TMCO1: variants seen among roughly 807,000 people sequenced by gnomAD.
TMCO1 encodes transmembrane and coiled-coil domains 1, also known as calcium load-activated calcium channel.
In TMCO1, 29 loss-of-function variants were observed where a neutral mutation model predicts 29.3. That is an observed-to-expected ratio of 0.99 (90% confidence interval 0.74 to 1.35). The LOEUF is 1.35. TMCO1 is among the 40% of genes most tolerant of loss of function. TMCO1 has a pLI of 0.00. For synonymous variants in TMCO1, 80 were observed against 77.1 expected, an observed-to-expected ratio of 1.04 and a Z score of -0.20; for missense variants, 173 against 225.5, an observed-to-expected ratio of 0.77 and a Z score of 1.49.
rs1241500510 is a variant in TMCO1, at chr1:165,727,496, A to G, written c.*527T>C. The G allele has an allele frequency of 1.8e-5, 8 of 454,000 alleles. No homozygotes were observed. Among genetic ancestry groups the G allele is most frequent in the Admixed American group, 4.7e-5 (2 of 42,554 alleles). The allele number at this position is 454,000 out of a possible 1,614,324, so 28.1% of individuals were successfully genotyped here. A position where few individuals can be genotyped will look rare whatever the true frequency, so the allele number is the denominator to read the frequency against. ...TCCTTCCTGGCCCATGCTAAAACTTATATCTAGAAATACGGCAAAACAAAA... is the reference window on the plus strand; with the variant it reads ...TCCTTCCTGGCCCATGCTAAAACTTGTATCTAGAAATACGGCAAAACAAAA... On this transcript the variant is annotated 3_prime_UTR_variant, in exon 7 of 7. Coordinates refer to ENST00000367881, the MANE Select transcript of TMCO1 (RefSeq NM_019026.6).
chr1:165,767,551 A>G (rs1164263840), intron 2 of TMCO1, among the ~76,000 whole-genome samples: 3 of 152,140 alleles, frequency 2.0e-5, no homozygotes. Flanking sequence ...ATTTTTGCTC[A>G]TATGTTATTT....
intron 3 of TMCO1, among the ~76,000 whole-genome samples, chr1:165,758,741 A>G (rs1219037432): frequency 1.1e-5 from 1 of 90,162 alleles, no homozygotes; most frequent in Admixed American, 1.2e-4. Flanking sequence ...TACAGCGTAA[A>G]TGTTCAATAG....
chr1:165,766,580 G>C (rs773614751), intron 2 of TMCO1, among the ~76,000 whole-genome samples: 1 of 152,084 alleles, frequency 6.6e-6, no homozygotes, highest in African/African-American at 2.4e-5. Flanking sequence ...TTGAGCCCAG[G>C]AGTTTGAGAT....
At chr1:165,763,356 T>C (rs976374034) in intron 2 of TMCO1, among the ~76,000 whole-genome samples, 2 of 152,196 alleles carry the variant, frequency 1.3e-5, no homozygotes, top group African/African-American at 4.8e-5. Flanking sequence ...ACAGAATTTG[T>C]GGCCGCTCAT....
At chr1:165,742,820 C>T (rs965333856) in intron 6 of TMCO1, among the ~76,000 whole-genome samples, 3 of 152,148 alleles carry the variant, frequency 2.0e-5, no homozygotes, top group Admixed American at 6.6e-5. Context: ...GCTCCTGAGC[C>T]GCTAAATGGT....
chr1:165,725,619 G>C (rs764631217), downstream of TMCO1: 2 of 453,986 alleles, frequency 4.4e-6, no homozygotes, highest in South Asian at 1.6e-5. Context: ...TGTTATGAGA[G>C]ATGTTCAGAG....
intron 6 of TMCO1, among the ~76,000 whole-genome samples, chr1:165,742,273 C>T (rs4269750): frequency 0.82 from 119,266 of 145,810 alleles, 47,390 homozygotes; most frequent in Middle Eastern, 0.86. Flanking sequence ...CCCCCCTTTT[C>T]TTTTTTTGAG....
chr1:165,758,682 A>T (rs536139780), intron 3 of TMCO1, among the ~76,000 whole-genome samples: 3 of 152,344 alleles, frequency 2.0e-5, no homozygotes, highest in African/African-American at 7.2e-5. Context: ...ATAAAAATAG[A>T]ATCTTTTTCT....
At chr1:165,762,006 TTTTA>T (rs373589359) in intron 2 of TMCO1, among the ~76,000 whole-genome samples, 7 of 23,758 alleles carry the variant, frequency 2.9e-4, no homozygotes, top group Admixed American at 4.0e-4. Context: ...AGGATAACAT[TTTTA>T]TTAAAATGTT....
chr1:165,739,230 C>T (rs956588123), intron 6 of TMCO1, among the ~76,000 whole-genome samples: 2 of 152,156 alleles, frequency 1.3e-5, no homozygotes, highest in Non-Finnish European at 2.9e-5. Flanking sequence ...CAGTTCTCCA[C>T]AAAGCCTAAA....
Position 165,761,225 on chromosome 1 carries a change from TTCTAGG to T in TMCO1, c.149-1647_149-1642del, listed in dbSNP as rs759401333. Among the ~76,000 whole-genome samples the T allele has an allele frequency of 3.5e-4, 53 of 152,064 alleles. 1 individual carries two copies. Among genetic ancestry groups the T allele is most frequent in the Non-Finnish European group, 6.9e-4 (47 of 68,008 alleles). Reference sequence around the variant, plus strand: ...CTGGAAGACTAAGTAACAGATACTGTTCTAGGTAAATAGAAAGGTAAGATACAGGCC... The same window carrying T: ...CTGGAAGACTAAGTAACAGATACTGTTAAATAGAAAGGTAAGATACAGGCC... On this transcript the variant is annotated intron_variant, in intron 2 of 6. Coordinates refer to ENST00000367881, the MANE Select transcript of TMCO1 (RefSeq NM_019026.6).
chr1:165,738,529 A>G (rs556629390), intron 6 of TMCO1, among the ~76,000 whole-genome samples: 2 of 152,374 alleles, frequency 1.3e-5, no homozygotes, highest in South Asian at 4.1e-4. Context: ...ACATGTGGAA[A>G]TAGCAGGCTA....
intron 2 of TMCO1, among the ~76,000 whole-genome samples, chr1:165,766,117 G>A (rs1195646556): frequency 6.6e-6 from 1 of 152,218 alleles, no homozygotes; most frequent in African/African-American, 2.4e-5. Context: ...CAGACTAGAT[G>A]TGGGTTGTAA....
chr1:165,753,547 G>A, intron 4 of TMCO1, among the ~76,000 whole-genome samples: 1 of 151,614 alleles, frequency 6.6e-6, no homozygotes, highest in African/African-American at 2.4e-5. Context: ...CACTCTGGGT[G>A]GCTGGGGCTG....
downstream of TMCO1, chr1:165,724,943 C>T (rs183095873): frequency 1.6e-5 from 7 of 451,040 alleles, no homozygotes; most frequent in East Asian, 7.0e-5. Flanking sequence ...TGATAATTGT[C>T]GAAGGTGGAG....
At chr1:165,749,208 T>A (rs1651908746) in intron 5 of TMCO1, among the ~76,000 whole-genome samples, 1 of 152,200 alleles carries the variant, frequency 6.6e-6, no homozygotes, top group South Asian at 2.1e-4. Context: ...TTTCACTTTT[T>A]ATTCTATATA....
chr1:165,766,688 G>A lies in TMCO1; in HGVS notation c.148+1504C>T, dbSNP rs575390004. ...CCAGCTACTCAGAAGTCTGAGGCAG[G>A]AGGATCGCTTAAGCCTGGGAGGTCC... On this transcript the variant is annotated intron_variant, in intron 2 of 6. Coordinates refer to ENST00000367881, the MANE Select transcript of TMCO1 (RefSeq NM_019026.6). Among the ~76,000 whole-genome samples, 3 of 152,274 alleles carry A rather than the reference G, an allele frequency of 2.0e-5. No individual in the cohort carries two copies. In the East Asian group the frequency reaches 5.8e-4, roughly 29 times the overall value.
intron 6 of TMCO1, among the ~76,000 whole-genome samples, chr1:165,736,460 G>A (rs760148686): frequency 3.9e-5 from 6 of 152,180 alleles, no homozygotes; most frequent in Admixed American, 1.3e-4. Flanking sequence ...GCTCACGCCT[G>A]TAATCCCAAC....
intron 2 of TMCO1, among the ~76,000 whole-genome samples, chr1:165,760,695 G>A (rs1384908507): frequency 1.3e-5 from 2 of 152,046 alleles, no homozygotes; most frequent in African/African-American, 4.8e-5. Flanking sequence ...CAGCTACTTG[G>A]GAGGCAGAGG....
Sources: gnomAD v4.1 joint callset for allele counts (sites outside exome capture counted in the v4.1 genomes callset) on GRCh38, gnomAD v4.1.1 for gene constraint, MANE v1.5 for transcripts, NCBI Gene and HGNC (gene_info 2026-07-23, HGNC 2026-07-21) for gene names.